C12orf42: variants seen among roughly 807,000 people sequenced by gnomAD.
C12orf42 encodes the protein chromosome 12 open reading frame 42.
Under a neutral mutation model 21.6 loss-of-function variants are expected in C12orf42, and 25 were observed. That is an observed-to-expected ratio of 1.16 (90% CI 0.84 to 1.62). C12orf42 has a LOEUF of 1.62. C12orf42 is among the 40% of genes most tolerant of loss of function. The pLI is 0.00. For synonymous variants in C12orf42, 174 were observed against 175.0 expected (o/e 0.99, Z 0.05); for missense variants, 483 against 459.3 (o/e 1.05, Z -0.47).
chr12:103,283,201 C>G (rs1337465423), intron 4 of C12orf42, among the ~76,000 whole-genome samples: 8 of 152,198 alleles, frequency 5.3e-5, no homozygotes, highest in African/African-American at 1.9e-4. Context: ...TGCATGTCAT[C>G]AGTATACCAC....
intron 2 of C12orf42, among the ~76,000 whole-genome samples, chr12:103,405,616 G>A (rs561683876): frequency 1.3e-5 from 2 of 152,206 alleles, no homozygotes; most frequent in African/African-American, 4.8e-5. Flanking sequence ...CAAAAGAAAA[G>A]TTCCCAGGGG....
chr12:103,247,213 A>G (rs1405620200), intron 10 of C12orf42, among the ~76,000 whole-genome samples: 1 of 152,008 alleles, frequency 6.6e-6, no homozygotes, highest in Non-Finnish European at 1.5e-5. Context: ...TTGAGTTAAT[A>G]TTTAATTAAG....
the C12orf42 span, among the ~76,000 whole-genome samples, chr12:103,112,991 A>T: frequency 6.6e-6 from 1 of 152,220 alleles, no homozygotes; most frequent in African/African-American, 2.4e-5. Context: ...AAATGACAGG[A>T]AGGAGACTTT....
chr12:103,061,598 C>A, the C12orf42 span, among the ~76,000 whole-genome samples: 1 of 151,732 alleles, frequency 6.6e-6, no homozygotes, highest in African/African-American at 2.4e-5. Context: ...ATATAAGTGG[C>A]AGACTGGCCC....
intron 4 of C12orf42, among the ~76,000 whole-genome samples, chr12:103,288,592 C>T (rs1324609343): frequency 6.6e-6 from 1 of 152,118 alleles, no homozygotes; most frequent in Non-Finnish European, 1.5e-5. Context: ...TGTTATATTC[C>T]ATCATTTTCC....
intron 2 of C12orf42, among the ~76,000 whole-genome samples, chr12:103,418,654 G>A (rs1474001710): frequency 2.0e-5 from 3 of 151,964 alleles, no homozygotes; most frequent in Non-Finnish European, 4.4e-5. Context: ...GTATCGCCTT[G>A]TTGAAAATAA....
intron 4 of C12orf42, among the ~76,000 whole-genome samples, chr12:103,337,267 A>T (rs1469230050): frequency 6.6e-6 from 1 of 152,240 alleles, no homozygotes; most frequent in African/African-American, 2.4e-5. Flanking sequence ...CTGGTGGCTT[A>T]TAAGTCCCAC....
the C12orf42 span, among the ~76,000 whole-genome samples, chr12:103,219,547 C>A: frequency 6.6e-6 from 1 of 152,096 alleles, no homozygotes; most frequent in Non-Finnish European, 1.5e-5. Flanking sequence ...CTACAAGGAA[C>A]ATAAACAAAT....
chr12:103,123,457 T>C, the C12orf42 span, among the ~76,000 whole-genome samples: 1 of 151,834 alleles, frequency 6.6e-6, no homozygotes, highest in African/African-American at 2.4e-5. Context: ...TGAAGAGAAA[T>C]AGGCAAAAAA....
At chr12:103,509,411 G>A in the C12orf42 span, among the ~76,000 whole-genome samples, 4 of 152,090 alleles carry the variant, frequency 2.6e-5, no homozygotes, top group South Asian at 2.1e-4. Flanking sequence ...CCTGAGCCAA[G>A]CGTAAGCACC....
At chr12:103,368,015 C>T in intron 4 of C12orf42, 2 of 1,232,342 alleles carry the variant, frequency 1.6e-6, no homozygotes, top group South Asian at 1.3e-5. Context: ...CAGTTACCTG[C>T]TTTATCAGTT....
At chr12:103,549,185 T>C in the C12orf42 span, among the ~76,000 whole-genome samples, 2 of 152,250 alleles carry the variant, frequency 1.3e-5, no homozygotes, top group African/African-American at 4.8e-5. Context: ...TCCTTCCTTC[T>C]CTATTTCTAT....
chr12:103,140,278 TGTGGCAGGGC>T, the C12orf42 span, among the ~76,000 whole-genome samples: 4 of 152,166 alleles, frequency 2.6e-5, no homozygotes, highest in African/African-American at 9.7e-5. Flanking sequence ...TTTGATACCT[TGTGGCAGGGC>T]AGAGATGAAT....
intron 3 of C12orf42, among the ~76,000 whole-genome samples, chr12:103,375,382 T>TA (rs1480761995): frequency 6.6e-6 from 1 of 152,188 alleles, no homozygotes; most frequent in African/African-American, 2.4e-5. Flanking sequence ...TTGGAGTCTG[T>TA]AAAATACTCA....
downstream of C12orf42, among the ~76,000 whole-genome samples, chr12:103,301,023 A>G (rs1195622857): frequency 6.6e-6 from 1 of 152,222 alleles, no homozygotes. Flanking sequence ...AAAAAAGTAA[A>G]CAGTCTTCAG....
chr12:103,051,571 T>C, the C12orf42 span, among the ~76,000 whole-genome samples: 3 of 152,304 alleles, frequency 2.0e-5, no homozygotes, highest in African/African-American at 7.2e-5. Context: ...GATATCTTTG[T>C]TTAAACACCA....
At chr12:103,152,383 A>G in the C12orf42 span, among the ~76,000 whole-genome samples, 1 of 152,214 alleles carries the variant, frequency 6.6e-6, no homozygotes, top group Admixed American at 6.5e-5. Context: ...ATCTATAGAG[A>G]ACATCATACT....
At chr12:103,245,656 T>C (rs1256737757) in intron 10 of C12orf42, among the ~76,000 whole-genome samples, 3 of 152,092 alleles carry the variant, frequency 2.0e-5, no homozygotes, top group Non-Finnish European at 2.9e-5. Context: ...AAGAGCCAAA[T>C]ACTGGGCCAA....
intron 10 of C12orf42, among the ~76,000 whole-genome samples, chr12:103,260,053 C>A (rs982452533): frequency 6.6e-6 from 1 of 152,066 alleles, no homozygotes; most frequent in African/African-American, 2.4e-5. Context: ...TTGTCATTAA[C>A]CTGTTTGAAA....
Sources: gnomAD v4.1 joint callset for allele counts (sites outside exome capture counted in the v4.1 genomes callset) on GRCh38, gnomAD v4.1.1 for gene constraint, MANE v1.5 for transcripts, NCBI Gene and HGNC (gene_info 2026-07-23, HGNC 2026-07-21) for gene names.